ANKS1B: variants seen among roughly 807,000 people sequenced by gnomAD.
The protein encoded by ANKS1B is ankyrin repeat and sterile alpha motif domain containing 1B, also known as ankyrin repeat and sterile alpha motif domain-containing protein 1B.
ANKS1B carries 36 observed loss-of-function variants against 148.3 expected under a neutral mutation model. The observed-to-expected ratio is 0.24, with a 90% CI of 0.19 to 0.32. The LOEUF is 0.32. Ranked by LOEUF, ANKS1B falls within the 10% of genes least tolerant of loss-of-function variation. The pLI is 1.00. For missense variants in ANKS1B, 1,157 were observed against 1,542.6 expected, an observed-to-expected ratio of 0.75 and a Z score of 4.19; for synonymous variants, 542 against 560.8, an observed-to-expected ratio of 0.97 and a Z score of 0.47.
At chr12:98,743,223 C>T (rs146270212), downstream of ANKS1B, among the ~76,000 whole-genome samples, 317 of 152,260 alleles carry the variant, frequency 2.1e-3, 4 homozygotes, top group African/African-American at 7.2e-3. Flanking sequence ...TCCAAACAAA[C>T]ATTGAACCAG....
At chr12:99,564,085 G>A (rs1366994546) in intron 9 of ANKS1B, among the ~76,000 whole-genome samples, 2 of 151,900 alleles carry the variant, frequency 1.3e-5, no homozygotes, top group Non-Finnish European at 2.9e-5. Flanking sequence ...TTTTGTTTTG[G>A]TCTTGCACCA....
intron 8 of ANKS1B, among the ~76,000 whole-genome samples, chr12:99,728,186 C>A (rs973698437): frequency 6.6e-6 from 1 of 152,050 alleles, no homozygotes; most frequent in Non-Finnish European, 1.5e-5. Context: ...TCAGAGTGAA[C>A]AGGCAACCTA....
chr12:98,866,266 C>T (rs1052472462), intron 17 of ANKS1B, among the ~76,000 whole-genome samples: 1 of 152,220 alleles, frequency 6.6e-6, no homozygotes, highest in Non-Finnish European at 1.5e-5. Context: ...TACAGCACTC[C>T]TGTGAATCTC....
intron 10 of ANKS1B, among the ~76,000 whole-genome samples, chr12:99,445,209 C>T (rs1160525314): frequency 1.3e-5 from 2 of 151,998 alleles, no homozygotes; most frequent in Admixed American, 6.6e-5. Context: ...GCAAGATGCT[C>T]TGATTCTCTC....
chr12:98,842,989 A>T (rs2099416405), intron 17 of ANKS1B, among the ~76,000 whole-genome samples: 1 of 152,212 alleles, frequency 6.6e-6, no homozygotes, highest in Admixed American at 6.5e-5. Flanking sequence ...CAAATGGCTT[A>T]TGGATGTTTG....
At chr12:99,479,728 T>G (rs1486322787) in intron 10 of ANKS1B, among the ~76,000 whole-genome samples, 1 of 151,420 alleles carries the variant, frequency 6.6e-6, no homozygotes, top group Non-Finnish European at 1.5e-5. Context: ...GTTGGAGAGG[T>G]GGGTGGAAGG....
intron 16 of ANKS1B, 104 bp downstream of exon 16, chr12:99,084,821 C>T: frequency 1.2e-6 from 1 of 816,894 alleles, no homozygotes; most frequent in Non-Finnish European, 1.9e-6. Flanking sequence ...GAGGTTGCAT[C>T]AATATGTAGA....
At chr12:99,384,024 G>C (rs543461383) in intron 12 of ANKS1B, among the ~76,000 whole-genome samples, 1 of 152,044 alleles carries the variant, frequency 6.6e-6, no homozygotes, top group Non-Finnish European at 1.5e-5. Flanking sequence ...GTGAGACCCT[G>C]TCTCAAAATA....
At chr12:99,466,816 G>A (rs1251311376) in intron 10 of ANKS1B, among the ~76,000 whole-genome samples, 3 of 151,704 alleles carry the variant, frequency 2.0e-5, no homozygotes, top group African/African-American at 7.3e-5. Context: ...CAACCAAAAA[G>A]AGTCCAGGAC....
intron 22 of ANKS1B, among the ~76,000 whole-genome samples, chr12:98,790,562 A>T (rs993237842): frequency 6.6e-6 from 1 of 151,748 alleles, no homozygotes; most frequent in Non-Finnish European, 1.5e-5. Flanking sequence ...GCCCCAAGAG[A>T]TCCTCTTGCC....
chr12:99,515,249 C>T (rs1052612401), intron 9 of ANKS1B, among the ~76,000 whole-genome samples: 1 of 151,948 alleles, frequency 6.6e-6, no homozygotes, highest in African/African-American at 2.4e-5. Context: ...GTTGTGATAT[C>T]AAATACTCCA....
intron 1 of ANKS1B, among the ~76,000 whole-genome samples, chr12:99,895,207 T>C (rs1054459706): frequency 3.3e-5 from 5 of 150,984 alleles, no homozygotes; most frequent in African/African-American, 1.2e-4. Flanking sequence ...TCAAAGACCT[T>C]AGTAGAACAA....
intron 14 of ANKS1B, among the ~76,000 whole-genome samples, chr12:99,157,462 C>T (rs78710645): frequency 0.063 from 9,600 of 152,116 alleles, 1,014 homozygotes; most frequent in African/African-American, 0.22. Context: ...TGGCAGAGCA[C>T]GATACACATC....
intron 17 of ANKS1B, among the ~76,000 whole-genome samples, chr12:99,018,427 C>A (rs2099943843): frequency 6.6e-6 from 1 of 152,090 alleles, no homozygotes; most frequent in Non-Finnish European, 1.5e-5. Context: ...GAAGAATAGT[C>A]CATAACATTT....
intron 8 of ANKS1B, among the ~76,000 whole-genome samples, chr12:99,729,399 T>G (rs1357544469): frequency 6.6e-6 from 1 of 152,174 alleles, no homozygotes; most frequent in Non-Finnish European, 1.5e-5. Context: ...GCCATTTTTT[T>G]TCTTCTGGCA....
chr12:99,917,500 G>A (rs3912634), intron 1 of ANKS1B, among the ~76,000 whole-genome samples: 92,248 of 152,054 alleles, frequency 0.61, 29,142 homozygotes, highest in Middle Eastern at 0.7. Flanking sequence ...GCCCAAAGTG[G>A]CCCCTCAATA....
At chr12:99,418,408 T>C (rs937990411) in intron 11 of ANKS1B, among the ~76,000 whole-genome samples, 3 of 152,218 alleles carry the variant, frequency 2.0e-5, no homozygotes, top group Admixed American at 6.5e-5. Context: ...ACCTTGTATT[T>C]TTAATTTCTG....
chr12:99,154,212 T>G, intron 15 of ANKS1B, 77 bp downstream of exon 15: 1 of 1,559,168 alleles, frequency 6.4e-7, no homozygotes, highest in South Asian at 1.2e-5. Flanking sequence ...CAAATCAGGC[T>G]GCCTCTGAGC....
At chr12:99,901,364 C>T (rs555755402) in intron 1 of ANKS1B, among the ~76,000 whole-genome samples, 60 of 152,302 alleles carry the variant, frequency 3.9e-4, no homozygotes, top group Admixed American at 7.8e-4. Context: ...ATTATCTCAA[C>T]GCCAGCTGTC....
Sources: gnomAD v4.1 joint callset for allele counts (sites outside exome capture counted in the v4.1 genomes callset) on GRCh38, gnomAD v4.1.1 for gene constraint, MANE v1.5 for transcripts, NCBI Gene and HGNC (gene_info 2026-07-23, HGNC 2026-07-21) for gene names.